The following DYNLL2 variants were observed in gnomAD, a reference collection of about 807,000 sequenced individuals.
DYNLL2 encodes dynein light chain 2, cytoplasmic.
Under a neutral mutation model 9.7 loss-of-function variants are expected in DYNLL2, and 1 was observed. The observed-to-expected ratio is 0.10, with a 90% CI of 0.04 to 0.49. The LOEUF (loss-of-function observed/expected upper bound fraction) is 0.49. Ranked by LOEUF, DYNLL2 falls within the 20% of genes least tolerant of loss-of-function variation. The probability of loss-of-function intolerance (pLI) is 0.95; values close to 1 mark genes in which losing one functional copy is unlikely to be tolerated. For synonymous variants in DYNLL2, 35 were observed against 40.5 expected, an observed-to-expected ratio of 0.86 and a Z score of 0.52; for missense variants, 37 against 115.2, an observed-to-expected ratio of 0.32 and a Z score of 3.11.
chr17:58,091,347 CACTAGA>C lies in DYNLL2; in HGVS notation c.*2069_*2074del, dbSNP rs1289302305. The C allele has an allele frequency of 1.3e-5, 2 of 152,060 alleles. No homozygotes were observed. Among genetic ancestry groups the C allele is most frequent in the East Asian group, 3.9e-4 (2 of 5,184 alleles). 9.4% of individuals were successfully genotyped at this position (152,060 alleles called of 1,614,324 possible). On this transcript the variant is annotated 3_prime_UTR_variant, in exon 3 of 3. Transcript: ENST00000579991. Reference sequence around the variant, plus strand: ...AATGGGGACTGAAGGGAAGACCAGCCACTAGATACTGATTGGCCTGTAGCAGCACTT... The same window carrying C: ...AATGGGGACTGAAGGGAAGACCAGCCTACTGATTGGCCTGTAGCAGCACTT...
rs746158448 is a variant in DYNLL2 at position 58,089,294 on chromosome 17, G to A, written c.*15G>A. ...AGTCAGGCTAGGTGGCCATGGTGAA[G>A]GTGTCAGTGGCGGCGGCAGCGATGG... is the stretch of plus-strand genomic sequence containing the variant. On this transcript the variant is annotated 3_prime_UTR_variant, in exon 3 of 3. Coordinates refer to ENST00000579991, the MANE Select transcript of DYNLL2 (RefSeq NM_080677.3). 2.5e-6 allele frequency: 4 copies of A among 1,609,098 alleles called. No individual in the cohort carries two copies. Among genetic ancestry groups the A allele is most frequent in the Non-Finnish European group, 3.4e-6 (4 of 1,176,984 alleles).
intron 1 of DYNLL2, among the ~76,000 whole-genome samples, chr17:58,086,843 C>A (rs974075204): frequency 6.6e-6 from 1 of 152,196 alleles, no homozygotes; most frequent in Non-Finnish European, 1.5e-5. Context: ...TGGAAAATCT[C>A]ATTTTACTTA....
chr17:58,085,762 T>G (rs1420252720), intron 1 of DYNLL2, among the ~76,000 whole-genome samples: 1 of 152,220 alleles, frequency 6.6e-6, no homozygotes, highest in Non-Finnish European at 1.5e-5. Flanking sequence ...TTACCTTTCT[T>G]AGGCACCTTT....
At chr17:58,088,064 AAAG>A (rs758465896) in intron 2 of DYNLL2, among the ~76,000 whole-genome samples, 3 of 150,572 alleles carry the variant, frequency 2.0e-5, no homozygotes, top group South Asian at 4.2e-4. Flanking sequence ...GGTGGAATGA[AAAG>A]AAGAACTCCT....
intron 1 of DYNLL2, among the ~76,000 whole-genome samples, chr17:58,084,423 G>T: frequency 6.6e-6 from 1 of 152,152 alleles, no homozygotes; most frequent in African/African-American, 2.4e-5. Context: ...GTCCTGGGGT[G>T]CCCTTTGTGC....
intron 1 of DYNLL2, among the ~76,000 whole-genome samples, chr17:58,084,957 T>C (rs1967597423): frequency 6.6e-6 from 1 of 152,198 alleles, no homozygotes; most frequent in Non-Finnish European, 1.5e-5. Context: ...GTTGTACCTT[T>C]GCTCAGACCC....
At chr17:58,085,404 C>G (rs942447202) in intron 1 of DYNLL2, among the ~76,000 whole-genome samples, 1 of 152,138 alleles carries the variant, frequency 6.6e-6, no homozygotes, top group Non-Finnish European at 1.5e-5. Context: ...TGGAATGATA[C>G]CAAGGATATG....
chr17:58,084,547 G>A (rs1425101725), intron 1 of DYNLL2, among the ~76,000 whole-genome samples: 5 of 152,166 alleles, frequency 3.3e-5, no homozygotes, highest in Non-Finnish European at 7.4e-5. Context: ...GGAGGGGCTA[G>A]GCTGGACACC....
rs148749035 is a variant in DYNLL2 at position 58,094,783 on chromosome 17, C to G, written c.*5504C>G. Reference sequence around the variant, plus strand: ...TTGCCATTCCCTCTTCTCCCCAGCCCTGGGAAACCACTGACCTACCTTATA... The same window carrying G: ...TTGCCATTCCCTCTTCTCCCCAGCCGTGGGAAACCACTGACCTACCTTATA... On this transcript the variant is annotated 3_prime_UTR_variant, in exon 3 of 3. Coordinates refer to ENST00000579991, the MANE Select transcript of DYNLL2 (RefSeq NM_080677.3). 1.3e-5 allele frequency: 2 copies of G among 152,360 alleles called. No homozygotes were observed. Among genetic ancestry groups the G allele is most frequent in the African/African-American group, 4.8e-5 (2 of 41,570 alleles). The allele number at this position is 152,360 out of a possible 1,614,324, so 9.4% of individuals were successfully genotyped here.
intron 2 of DYNLL2, 144 bp from the exon 3 acceptor site, chr17:58,088,998 C>T (rs557144915): frequency 1.6e-5 from 15 of 947,084 alleles, no homozygotes; most frequent in South Asian, 4.6e-5. Flanking sequence ...TTTTGAGGTT[C>T]GGGGAGCTGA....
At chr17:58,084,764 C>A (rs1269645037) in intron 1 of DYNLL2, among the ~76,000 whole-genome samples, 1 of 152,142 alleles carries the variant, frequency 6.6e-6, no homozygotes. Context: ...GGTGAGCTTG[C>A]AGGCAAAATG....
In DYNLL2 at chr17:58,090,146, T is replaced by C; in HGVS notation, c.*867T>C. ...GTTGTTAGTTGGCTGGCAAGGGAAT[T>C]TCTGGTGACTGTAGTTCCTTAGTTA... On this transcript the variant is annotated 3_prime_UTR_variant, in exon 3 of 3. Coordinates refer to ENST00000579991, the MANE Select transcript of DYNLL2 (RefSeq NM_080677.3). 1 of 381,462 alleles carries C rather than the reference T, an allele frequency of 2.6e-6. No homozygotes were observed. The highest frequency in any genetic ancestry group is 1.5e-4 in the South Asian group (1 of 6,862). 23.6% of individuals were successfully genotyped at this position (381,462 alleles called of 1,614,324 possible).
At chr17:58,088,615 C>A (rs564618791) in intron 2 of DYNLL2, among the ~76,000 whole-genome samples, 1 of 152,172 alleles carries the variant, frequency 6.6e-6, no homozygotes, top group African/African-American at 2.4e-5. Context: ...GCATGGCACA[C>A]GGGAATGCCT....
chr17:58,088,665 G>A (rs1312817933), intron 2 of DYNLL2, among the ~76,000 whole-genome samples: 5 of 152,190 alleles, frequency 3.3e-5, no homozygotes, highest in South Asian at 2.1e-4. Context: ...TGGTACTCCC[G>A]ATGTTTGGTC....
At chr17:58,084,007 AG>A (rs1272025728) in intron 1 of DYNLL2, among the ~76,000 whole-genome samples, 2 of 151,532 alleles carry the variant, frequency 1.3e-5, no homozygotes, top group African/African-American at 4.8e-5. Context: ...CCCTGATGTC[AG>A]GGGCCGGGGA....
intron 2 of DYNLL2, among the ~76,000 whole-genome samples, chr17:58,088,219 T>C (rs2075767642): frequency 1.3e-5 from 2 of 152,184 alleles, no homozygotes; most frequent in Admixed American, 6.5e-5. Flanking sequence ...GATGGAGAAA[T>C]GAGAACCAGG....
Position 58,085,284 on chromosome 17 carries a change from T to G in DYNLL2, c.-10+1601T>G, listed in dbSNP as rs117369069. Among the ~76,000 whole-genome samples the G allele has an allele frequency of 3.0e-3, 456 of 152,322 alleles. 2 individuals are homozygous for G. The highest frequency in any genetic ancestry group is 6.4e-3 in the East Asian group (33 of 5,186). On this transcript the variant is annotated intron_variant, in intron 1 of 2. Coordinates refer to ENST00000579991, the MANE Select transcript of DYNLL2 (RefSeq NM_080677.3). ...AGGGCTGCCTGGCTGGCAGCTGGCATGTGTGCATTCTCTGCATGTGGTGCA... is the reference window on the plus strand; with the variant it reads ...AGGGCTGCCTGGCTGGCAGCTGGCAGGTGTGCATTCTCTGCATGTGGTGCA...
rs2075782598 is a variant in DYNLL2 at position 58,092,185 on chromosome 17, G to C, written c.*2906G>C. On this transcript the variant is annotated 3_prime_UTR_variant, in exon 3 of 3. Coordinates refer to ENST00000579991, the MANE Select transcript of DYNLL2 (RefSeq NM_080677.3). ...TAAGGGATTAAGTTGAGAGACTCTAGAGCCCCAACTTCTGTTACTGCTTTA... is the reference window on the plus strand; with the variant it reads ...TAAGGGATTAAGTTGAGAGACTCTACAGCCCCAACTTCTGTTACTGCTTTA... 1.3e-5 allele frequency: 2 copies of C among 152,346 alleles called. No individual in the cohort carries two copies. The highest frequency in any genetic ancestry group is 4.1e-4 in the South Asian group (2 of 4,828). The allele number at this position is 152,346 out of a possible 1,614,324, so 9.4% of individuals were successfully genotyped here.
rs1051795709 is a variant in DYNLL2 at position 58,090,810 on chromosome 17, A to G, written c.*1531A>G. Reference sequence around the variant, plus strand: ...TGCTGATTTTCATGAGTCGCCTTCAAAACTCTCGTGTAGGGTTGACAATGT... The same window carrying G: ...TGCTGATTTTCATGAGTCGCCTTCAGAACTCTCGTGTAGGGTTGACAATGT... On this transcript the variant is annotated 3_prime_UTR_variant, in exon 3 of 3. Transcript: ENST00000579991. 4.6e-5 allele frequency: 7 copies of G among 151,050 alleles called. No homozygotes were observed. Among genetic ancestry groups the G allele is most frequent in the African/African-American group, 1.7e-4 (7 of 41,066 alleles). 9.4% of individuals were successfully genotyped at this position (151,050 alleles called of 1,614,324 possible).
Sources: allele counts gnomAD v4.1 joint callset (sites outside exome capture counted in the v4.1 genomes callset), GRCh38; gene constraint gnomAD v4.1.1; transcripts MANE v1.5; gene names NCBI Gene and HGNC (gene_info 2026-07-23, HGNC 2026-07-21).